The following SPAG16 variants were observed in gnomAD, a reference collection of about 807,000 sequenced individuals.
SPAG16 encodes the protein sperm associated antigen 16, also known as sperm-associated antigen 16 protein.
A neutral mutation model predicts 80.4 loss-of-function variants in SPAG16; 86 were observed. The ratio of observed to expected loss-of-function variants is 1.07; its 90% CI spans 0.90 to 1.28. The LOEUF (loss-of-function observed/expected upper bound fraction) is 1.28. Among genes scored for constraint, SPAG16 ranks in the 50% most tolerant of loss-of-function variants. The pLI, the probability that SPAG16 is intolerant of heterozygous loss-of-function variation, is 0.00. For missense variants in SPAG16, 870 were observed against 765.3 expected (o/e 1.14, Z -1.61); for synonymous variants, 294 against 265.9 (o/e 1.11, Z -1.03).
chr2:214,180,675 A>G (rs780157069), intron 15 of SPAG16, among the ~76,000 whole-genome samples: 2 of 151,728 alleles, frequency 1.3e-5, no homozygotes, highest in African/African-American at 2.4e-5. Context: ...AAAAGGATGT[A>G]TACTTGGAGT....
At chr2:213,751,734 A>G (rs2068086008) in intron 10 of SPAG16, among the ~76,000 whole-genome samples, 1 of 152,216 alleles carries the variant, frequency 6.6e-6, no homozygotes, top group South Asian at 2.1e-4. Flanking sequence ...TCTTGACAAG[A>G]ATAAACAAGG....
chr2:213,838,904 T>C (rs546668686), intron 10 of SPAG16, among the ~76,000 whole-genome samples: 9 of 152,328 alleles, frequency 5.9e-5, no homozygotes, highest in African/African-American at 1.9e-4. Context: ...AATAACTCCA[T>C]TGTGGTTTGA....
At chr2:213,987,599 A>G (rs2046075391) in intron 12 of SPAG16, among the ~76,000 whole-genome samples, 1 of 151,942 alleles carries the variant, frequency 6.6e-6, no homozygotes, top group African/African-American at 2.4e-5. Context: ...CTGAGCCTAG[A>G]ATCCTAAACT....
In SPAG16 at chr2:214,141,238, G is replaced by A. The variant is rs13423319; in HGVS notation, c.1594-7902G>A. ...AATCCCAGCACTTTGGGAGGCCAAG[G>A]TAGGTGGATCACAAGGCCAGGAGAT... is the stretch of plus-strand genomic sequence containing the variant. On this transcript the variant is annotated intron_variant, in intron 14 of 15. Coordinates refer to ENST00000331683, the MANE Select transcript of SPAG16 (RefSeq NM_024532.5). Among the ~76,000 whole-genome samples, 647 of 152,208 alleles carry A rather than the reference G, an allele frequency of 4.3e-3. 3 individuals carry two copies. Among genetic ancestry groups the A allele is most frequent in the Admixed American group, 5.4e-3 (83 of 15,296 alleles).
At position 214,184,583 on chromosome 2, in the gene SPAG16, A is replaced by T. The variant is rs1576444118; in HGVS notation, c.1720+35317A>T. Among the ~76,000 whole-genome samples, 2 of 152,128 alleles carry T rather than the reference A, an allele frequency of 1.3e-5. 1 individual carries two copies. The highest frequency in any genetic ancestry group is 4.1e-4 in the South Asian group (2 of 4,828). ...ACTATTGCTTGAATATTACCTGTGC[A>T]TTACTTAAGGGGGAATCTGCAAACA... On this transcript the variant is annotated intron_variant, in intron 15 of 15. Transcript: ENST00000331683.
chr2:214,051,059 C>T lies in SPAG16; in HGVS notation c.1527+36982C>T, dbSNP rs1230633398. On this transcript the variant is annotated intron_variant, in intron 13 of 15. Transcript: ENST00000331683. ...TTGAACCATGCAATCATAGCAGTGT[C>T]TTGACCTTTAATATTGATGACATAA... Among the ~76,000 whole-genome samples the T allele has an allele frequency of 2.0e-5, 3 of 152,178 alleles. No homozygotes were observed. The East Asian group carries it at 5.8e-4, about 29-fold the overall frequency.
chr2:214,069,655 C>T (rs571533334), intron 13 of SPAG16, among the ~76,000 whole-genome samples: 1 of 152,174 alleles, frequency 6.6e-6, no homozygotes, highest in South Asian at 2.1e-4. Context: ...TCAGGAGGAA[C>T]ATGATAAATG....
chr2:213,315,694 CTTT>C (rs35508590), intron 4 of SPAG16, among the ~76,000 whole-genome samples: 2 of 150,350 alleles, frequency 1.3e-5, no homozygotes, highest in African/African-American at 2.4e-5. Flanking sequence ...CTATTGAAAA[CTTT>C]TTTTTTTTTA....
rs1283798429 is a variant in SPAG16 at position 213,910,699 on chromosome 2, A to G, written c.1215-19261A>G. On this transcript the variant is annotated intron_variant, in intron 11 of 15. Coordinates refer to ENST00000331683, the MANE Select transcript of SPAG16 (RefSeq NM_024532.5). The stretch of plus-strand genomic sequence containing the variant: ...GAGACAGGGTTTCACCGTGTTAGCC[A>G]GAATGGTCTCGATCTCCTGACCTCG... Among the ~76,000 whole-genome samples the G allele has an allele frequency of 2.0e-5, 2 of 100,326 alleles. 1 individual carries two copies. The highest frequency in any genetic ancestry group is 5.7e-5 in the African/African-American group (2 of 35,322). The allele number at this position is 100,326 out of a possible 152,430, so 65.8% of individuals were successfully genotyped here.
intron 15 of SPAG16, among the ~76,000 whole-genome samples, chr2:214,370,357 A>G (rs965275611): frequency 6.6e-6 from 1 of 152,188 alleles, no homozygotes; most frequent in Non-Finnish European, 1.5e-5. Context: ...AGTCTCTACC[A>G]TGTCTCTCAT....
chr2:213,388,544 C>T (rs368933859), intron 9 of SPAG16, among the ~76,000 whole-genome samples: 1 of 152,052 alleles, frequency 6.6e-6, no homozygotes, highest in Non-Finnish European at 1.5e-5. Flanking sequence ...TGATCCTTGA[C>T]CAGAGACAGT....
chr2:213,346,782 C>T (rs1490223913), intron 6 of SPAG16, among the ~76,000 whole-genome samples: 3 of 151,962 alleles, frequency 2.0e-5, no homozygotes, highest in Non-Finnish European at 4.4e-5. Context: ...TTCGGTTTGC[C>T]AGTATTTTAT....
At chr2:214,232,724 T>G (rs955338320) in intron 15 of SPAG16, among the ~76,000 whole-genome samples, 3 of 152,044 alleles carry the variant, frequency 2.0e-5, no homozygotes, top group Admixed American at 1.3e-4. Flanking sequence ...ATAATGTATA[T>G]TCAATGACTA....
chr2:214,123,267 C>G (rs972452034), intron 14 of SPAG16, among the ~76,000 whole-genome samples: 1 of 148,188 alleles, frequency 6.7e-6, no homozygotes, highest in Admixed American at 6.7e-5. Context: ...GCACCACCCC[C>G]AAATTTTAAC....
chr2:214,120,336 A>G (rs2054153555), intron 14 of SPAG16, among the ~76,000 whole-genome samples: 1 of 151,768 alleles, frequency 6.6e-6, no homozygotes, highest in Admixed American at 6.6e-5. Context: ...TTCAATTACT[A>G]CATTTCTTAT....
At chr2:213,673,446 G>A (rs1418080968) in intron 10 of SPAG16, among the ~76,000 whole-genome samples, 1 of 152,104 alleles carries the variant, frequency 6.6e-6, no homozygotes, top group Non-Finnish European at 1.5e-5. Flanking sequence ...TAATAGAGTG[G>A]AAAGATTCAA....
intron 10 of SPAG16, among the ~76,000 whole-genome samples, chr2:213,739,951 T>A (rs1235702010): frequency 6.6e-6 from 1 of 152,248 alleles, no homozygotes; most frequent in Non-Finnish European, 1.5e-5. Context: ...TAACTTGTAT[T>A]AATATATTTG....
chr2:213,736,117 T>C (rs1232175665), intron 10 of SPAG16, among the ~76,000 whole-genome samples: 1 of 152,216 alleles, frequency 6.6e-6, no homozygotes, highest in Non-Finnish European at 1.5e-5. Context: ...TTCAATAATT[T>C]AATTAGTTAC....
At chr2:213,818,053 C>T (rs1265479163) in intron 10 of SPAG16, among the ~76,000 whole-genome samples, 1 of 152,134 alleles carries the variant, frequency 6.6e-6, no homozygotes, top group South Asian at 2.1e-4. Context: ...GTTTCTTCCC[C>T]ATCCCCAAGC....
Sources: allele counts gnomAD v4.1 joint callset (sites outside exome capture counted in the v4.1 genomes callset), GRCh38; gene constraint gnomAD v4.1.1; transcripts MANE v1.5; gene names NCBI Gene and HGNC (gene_info 2026-07-23, HGNC 2026-07-21).